NRCAM: variants seen among roughly 807,000 people sequenced by gnomAD.
NRCAM encodes the protein NgCAM-related cell adhesion molecule.
Under a neutral mutation model 156.5 loss-of-function variants are expected in NRCAM, and 83 were observed. The observed-to-expected ratio is 0.53, with a 90% confidence interval of 0.44 to 0.64. The LOEUF (loss-of-function observed/expected upper bound fraction) is 0.64. NRCAM is among the 30% of genes least tolerant of loss of function. NRCAM has a pLI of 0.00. For synonymous variants in NRCAM, 538 were observed against 563.9 expected, an observed-to-expected ratio of 0.95 and a Z score of 0.65; for missense variants, 1,417 against 1,597.3, an observed-to-expected ratio of 0.89 and a Z score of 1.92.
chr7:108,389,875 T>A (rs189697403), intron 2 of NRCAM, among the ~76,000 whole-genome samples: 1 of 152,346 alleles, frequency 6.6e-6, no homozygotes, highest in African/African-American at 2.4e-5. Flanking sequence ...TTTGTGTATG[T>A]TGAATGAGCC....
intron 13 of NRCAM, among the ~76,000 whole-genome samples, chr7:108,198,501 T>C (rs2076299125): frequency 6.6e-6 from 1 of 152,086 alleles, no homozygotes. Flanking sequence ...TTTTGAGAGA[T>C]GCAGAAAAAA....
At chr7:108,349,367 C>T (rs2099394861) in intron 2 of NRCAM, among the ~76,000 whole-genome samples, 1 of 151,668 alleles carries the variant, frequency 6.6e-6, no homozygotes, top group Admixed American at 6.6e-5. Context: ...ATCCTGGGTT[C>T]ACACCATTCT....
chr7:108,188,555 G>A (rs1161914149), intron 20 of NRCAM, among the ~76,000 whole-genome samples: 1 of 151,704 alleles, frequency 6.6e-6, no homozygotes, highest in Non-Finnish European at 1.5e-5. Context: ...CACACAGTAG[G>A]CACTCAAAAA....
chr7:108,192,342 C>A (rs556038642), intron 17 of NRCAM, among the ~76,000 whole-genome samples: 1 of 152,200 alleles, frequency 6.6e-6, no homozygotes, highest in South Asian at 2.1e-4. Flanking sequence ...TCTCCTATGA[C>A]AATCTAATGC....
intron 1 of NRCAM, among the ~76,000 whole-genome samples, chr7:108,426,226 C>T (rs1817107698): frequency 6.6e-6 from 1 of 152,216 alleles, no homozygotes; most frequent in Non-Finnish European, 1.5e-5. Flanking sequence ...AGCTACACAA[C>T]TCTTTCACAT....
intron 11 of NRCAM, among the ~76,000 whole-genome samples, chr7:108,219,605 G>C (rs1372888677): frequency 6.6e-6 from 1 of 152,082 alleles, no homozygotes; most frequent in African/African-American, 2.4e-5. Flanking sequence ...AAAATCGCAC[G>C]ATCATCTCAA....
intron 3 of NRCAM, among the ~76,000 whole-genome samples, chr7:108,296,946 T>C (rs1407013472): frequency 6.6e-6 from 1 of 152,124 alleles, no homozygotes; most frequent in Non-Finnish European, 1.5e-5. Context: ...ATGCATTCTT[T>C]TAACCCGAAA....
At chr7:108,294,529 C>G (rs2098413860) in intron 3 of NRCAM, among the ~76,000 whole-genome samples, 1 of 152,164 alleles carries the variant, frequency 6.6e-6, no homozygotes, top group Admixed American at 6.5e-5. Flanking sequence ...ATGACACTGT[C>G]CCTGCCTTGA....
At chr7:108,443,803 T>C (rs776967571) in intron 1 of NRCAM, among the ~76,000 whole-genome samples, 1 of 152,196 alleles carries the variant, frequency 6.6e-6, no homozygotes, top group Non-Finnish European at 1.5e-5. Flanking sequence ...AGCATCTCTG[T>C]GCCTTAATTC....
chr7:108,331,962 T>G (rs973851487), intron 2 of NRCAM, among the ~76,000 whole-genome samples: 4 of 152,238 alleles, frequency 2.6e-5, no homozygotes, highest in Admixed American at 2.0e-4. Flanking sequence ...GTAAAGTTTT[T>G]GTTAAAGTAG....
chr7:108,414,215 C>T (rs1197271426), intron 1 of NRCAM, among the ~76,000 whole-genome samples: 1 of 152,214 alleles, frequency 6.6e-6, no homozygotes, highest in Non-Finnish European at 1.5e-5. Flanking sequence ...CTTCTTGTGA[C>T]AGACTGTTGC....
intron 2 of NRCAM, among the ~76,000 whole-genome samples, chr7:108,394,264 T>C (rs950502736): frequency 1.3e-5 from 2 of 152,128 alleles, no homozygotes; most frequent in African/African-American, 4.8e-5. Flanking sequence ...AGTGCTTCAG[T>C]CAGGAAAGGG....
At chr7:108,223,519 T>C (rs2092832224) in intron 11 of NRCAM, among the ~76,000 whole-genome samples, 1 of 152,210 alleles carries the variant, frequency 6.6e-6, no homozygotes, top group African/African-American at 2.4e-5. Flanking sequence ...GATACTTATT[T>C]CAATAAGATT....
chr7:108,218,296 G>C (rs1049955165), intron 11 of NRCAM, among the ~76,000 whole-genome samples: 6 of 151,984 alleles, frequency 3.9e-5, no homozygotes, highest in African/African-American at 1.5e-4. Flanking sequence ...AGATGAACCA[G>C]GTACCTCAGC....
chr7:108,429,006 A>G (rs1406823941), intron 1 of NRCAM, among the ~76,000 whole-genome samples: 2 of 152,106 alleles, frequency 1.3e-5, no homozygotes, highest in African/African-American at 4.8e-5. Context: ...TCCAGACCAT[A>G]AAGAGGAAAC....
intron 13 of NRCAM, among the ~76,000 whole-genome samples, chr7:108,204,915 C>A (rs1168161558): frequency 5.9e-5 from 9 of 152,166 alleles, no homozygotes; most frequent in African/African-American, 2.2e-4. Flanking sequence ...ACCCCCAAAG[C>A]AGGCCTTTTA....
intron 8 of NRCAM, among the ~76,000 whole-genome samples, chr7:108,228,873 T>C (rs1287302176): frequency 6.6e-6 from 1 of 152,244 alleles, no homozygotes. Flanking sequence ...TACTTAGCTA[T>C]ATATTTGTTT....
At chr7:108,255,311 T>G (rs1488642222) in intron 3 of NRCAM, among the ~76,000 whole-genome samples, 1 of 152,042 alleles carries the variant, frequency 6.6e-6, no homozygotes, top group African/African-American at 2.4e-5. Flanking sequence ...GGATTGCAGG[T>G]GTGCGCCGCC....
At chr7:108,398,522 C>T (rs1042765908) in intron 2 of NRCAM, among the ~76,000 whole-genome samples, 8 of 152,142 alleles carry the variant, frequency 5.3e-5, no homozygotes, top group Non-Finnish European at 8.8e-5. Context: ...GTGCTTCCTG[C>T]TCACCTTCCT....
Sources: allele counts gnomAD v4.1 joint callset (sites outside exome capture counted in the v4.1 genomes callset), GRCh38; gene constraint gnomAD v4.1.1; transcripts MANE v1.5; gene names NCBI Gene and HGNC (gene_info 2026-07-23, HGNC 2026-07-21).